Variants in CCDC178 observed in about 807,000 individuals in gnomAD.
CCDC178 encodes coiled-coil domain containing 178, also known as coiled-coil domain-containing protein 178.
A neutral mutation model predicts 117.4 loss-of-function variants in CCDC178; 126 were observed. The observed-to-expected ratio is 1.07, with a 90% confidence interval of 0.93 to 1.24. The LOEUF (loss-of-function observed/expected upper bound fraction) is 1.24. Among genes scored for constraint, CCDC178 ranks in the 50% most tolerant of loss-of-function variants. The pLI is 0.00. For missense variants in CCDC178, 1,030 were observed against 986.9 expected, an observed-to-expected ratio of 1.04 and a Z score of -0.59; for synonymous variants, 283 against 313.4, an observed-to-expected ratio of 0.90 and a Z score of 1.02.
chr18:33,260,664 CAT>C (rs1200125453), intron 14 of CCDC178, among the ~76,000 whole-genome samples: 3 of 151,942 alleles, frequency 2.0e-5, no homozygotes, highest in African/African-American at 7.2e-5. Flanking sequence ...TTACCTGACT[CAT>C]ATTTATTGAT....
intron 2 of CCDC178, 118 bp downstream of exon 2, chr18:33,439,844 C>A (rs2064353625): frequency 6.6e-6 from 1 of 152,168 alleles, no homozygotes; most frequent in South Asian, 2.1e-4. Context: ...GTCAAGAAAA[C>A]AATAATAGAA....
intron 21 of CCDC178, among the ~76,000 whole-genome samples, chr18:33,019,245 G>A (rs1454422546): frequency 6.6e-6 from 1 of 152,122 alleles, no homozygotes; most frequent in Non-Finnish European, 1.5e-5. Flanking sequence ...GAAGGCTGGT[G>A]GTATGCATAG....
chr18:33,314,073 C>T (rs1251835122), intron 11 of CCDC178, among the ~76,000 whole-genome samples: 2 of 148,598 alleles, frequency 1.3e-5, no homozygotes, highest in Non-Finnish European at 3.0e-5. Flanking sequence ...TAGTGGCGGG[C>T]GCCTGTAATC....
intron 21 of CCDC178, among the ~76,000 whole-genome samples, chr18:33,037,194 G>GC (rs1342702077): frequency 6.6e-6 from 1 of 151,902 alleles, no homozygotes; most frequent in Non-Finnish European, 1.5e-5. Context: ...TTGAAAAATT[G>GC]TTTTATTTAC....
intron 20 of CCDC178, among the ~76,000 whole-genome samples, chr18:33,168,003 T>C (rs916343829): frequency 6.6e-6 from 1 of 152,172 alleles, no homozygotes; most frequent in Non-Finnish European, 1.5e-5. Flanking sequence ...GTTGGATGTA[T>C]AGTTTGCAAA....
intron 12 of CCDC178, among the ~76,000 whole-genome samples, chr18:33,278,274 C>A (rs61322134): frequency 7.9e-6 from 1 of 127,364 alleles, no homozygotes; most frequent in Non-Finnish European, 1.6e-5. Context: ...CATATATATA[C>A]ACAAATACAT....
intron 4 of CCDC178, among the ~76,000 whole-genome samples, chr18:33,396,161 A>G (rs1014196273): frequency 2.0e-5 from 3 of 152,258 alleles, no homozygotes; most frequent in Admixed American, 6.5e-5. Context: ...CCAATTTGCA[A>G]AAGTGGAACT....
chr18:33,259,592 G>A (rs533738859), intron 14 of CCDC178, among the ~76,000 whole-genome samples: 3 of 152,126 alleles, frequency 2.0e-5, no homozygotes, highest in African/African-American at 7.2e-5. Flanking sequence ...CAGATCTCCT[G>A]AGAATTCACT....
intron 20 of CCDC178, among the ~76,000 whole-genome samples, chr18:33,155,609 C>T (rs2058384696): frequency 1.3e-5 from 2 of 152,040 alleles, no homozygotes; most frequent in African/African-American, 4.8e-5. Context: ...TTGCAAATAT[C>T]TAGTTTTTAA....
At chr18:33,082,990 T>G (rs2057321483) in intron 21 of CCDC178, among the ~76,000 whole-genome samples, 1 of 152,130 alleles carries the variant, frequency 6.6e-6, no homozygotes, top group Non-Finnish European at 1.5e-5. Context: ...TTATTCTCTC[T>G]TCATACATAC....
intron 21 of CCDC178, among the ~76,000 whole-genome samples, chr18:33,081,155 C>T (rs577648425): frequency 2.0e-4 from 31 of 152,290 alleles, no homozygotes; most frequent in African/African-American, 7.0e-4. Flanking sequence ...TTAGCCAGAA[C>T]TGTCACAATG....
intron 7 of CCDC178, among the ~76,000 whole-genome samples, chr18:33,350,452 C>T (rs2062960334): frequency 6.6e-6 from 1 of 152,100 alleles, no homozygotes; most frequent in African/African-American, 2.4e-5. Context: ...TTCTTCAACC[C>T]ACTATCCCAT....
intron 2 of CCDC178, among the ~76,000 whole-genome samples, chr18:33,415,593 T>C (rs2063929151): frequency 6.6e-6 from 1 of 152,088 alleles, no homozygotes; most frequent in South Asian, 2.1e-4. Context: ...ATATACCTAA[T>C]GTAAATGACG....
chr18:33,333,335 T>C lies in CCDC178; in HGVS notation c.718A>G (p.Asn240Asp). The change falls in exon 10 of 23, where the codon AAT becomes GAT. Residue 240 changes from asparagine (N) to aspartate (D), a missense_variant. Transcript: ENST00000383096. ...ELQWHLEDKA[N>D]QLQHFEKQKT... ...TGTTTTTCAAAATGTTGTAGTTGAT[T>C]AGCTTTATCTTCAAGATGCCATTGT... The C allele has an allele frequency of 6.2e-7, 1 of 1,612,524 alleles. No individual in the cohort carries two copies. Among genetic ancestry groups the C allele is most frequent in the Non-Finnish European group, 8.5e-7 (1 of 1,179,186 alleles).
At chr18:33,077,491 G>A (rs1228485340) in intron 21 of CCDC178, among the ~76,000 whole-genome samples, 1 of 152,076 alleles carries the variant, frequency 6.6e-6, no homozygotes, top group Non-Finnish European at 1.5e-5. Context: ...TGGCCTAGGA[G>A]TGAGTTTTTT....
chr18:33,330,359 T>C (rs2062650529), intron 10 of CCDC178, among the ~76,000 whole-genome samples: 1 of 152,136 alleles, frequency 6.6e-6, no homozygotes, highest in Non-Finnish European at 1.5e-5. Context: ...TTACTTTCCC[T>C]TGCATTGTAC....
At chr18:33,082,307 C>T (rs2057310452) in intron 21 of CCDC178, among the ~76,000 whole-genome samples, 1 of 151,956 alleles carries the variant, frequency 6.6e-6, no homozygotes, top group South Asian at 2.1e-4. Flanking sequence ...TCCATCTCTA[C>T]CAAAAGTACA....
chr18:32,992,797 T>C (rs963966351), intron 21 of CCDC178, among the ~76,000 whole-genome samples: 27 of 152,184 alleles, frequency 1.8e-4, no homozygotes, highest in African/African-American at 5.8e-4. Flanking sequence ...CAGTTGTTAT[T>C]TGACACCTAA....
chr18:32,979,505 T>G (rs1200047868), intron 21 of CCDC178, among the ~76,000 whole-genome samples: 1 of 152,116 alleles, frequency 6.6e-6, no homozygotes, highest in African/African-American at 2.4e-5. Flanking sequence ...AATAGAAAAA[T>G]CCTATTTATT....
Sources: allele counts gnomAD v4.1 joint callset (sites outside exome capture counted in the v4.1 genomes callset), GRCh38; gene constraint gnomAD v4.1.1; transcripts MANE v1.5; gene names NCBI Gene and HGNC (gene_info 2026-07-23, HGNC 2026-07-21).